The following ZNRF2 variants were observed in gnomAD, a reference collection of about 807,000 sequenced individuals.
The protein encoded by ZNRF2 is E3 ubiquitin-protein ligase ZNRF2.
In ZNRF2, 16 loss-of-function variants were observed where a neutral mutation model predicts 20.4. The ratio of observed to expected loss-of-function variants is 0.79; its 90% CI spans 0.53 to 1.19. ZNRF2 has a LOEUF of 1.19. Ranked by LOEUF, ZNRF2 falls within the 50% of genes most tolerant of loss-of-function variation. The probability of loss-of-function intolerance (pLI) is 0.00; values close to 1 mark genes in which losing one functional copy is unlikely to be tolerated. For missense variants in ZNRF2, 363 were observed against 332.4 expected (o/e 1.09, Z -0.72); for synonymous variants, 178 against 144.9 (o/e 1.23, Z -1.64).
intron 2 of ZNRF2, among the ~76,000 whole-genome samples, chr7:30,346,624 ATTTT>A (rs1359783618): frequency 6.6e-6 from 1 of 151,974 alleles, no homozygotes; most frequent in Non-Finnish European, 1.5e-5. Flanking sequence ...GAAAGCCAGA[ATTTT>A]TTTGTTTTTT....
intron 2 of ZNRF2, among the ~76,000 whole-genome samples, chr7:30,324,045 A>G (rs1799514375): frequency 6.6e-6 from 1 of 152,214 alleles, no homozygotes; most frequent in Non-Finnish European, 1.5e-5. Flanking sequence ...GACAACTTTT[A>G]AATGAAAAGT....
chr7:30,346,113 A>G (rs1162684036), intron 2 of ZNRF2, among the ~76,000 whole-genome samples: 3 of 98,046 alleles, frequency 3.1e-5, no homozygotes, highest in Non-Finnish European at 6.4e-5. Flanking sequence ...TATGAATGCT[A>G]TCTTGGGTGT....
At chr7:30,351,801 A>T (rs1799965976) in intron 2 of ZNRF2, among the ~76,000 whole-genome samples, 1 of 152,092 alleles carries the variant, frequency 6.6e-6, no homozygotes, top group Admixed American at 6.5e-5. Flanking sequence ...TCAAAAGCAC[A>T]TTAAAAAGTA....
chr7:30,293,803 C>T (rs533008741), intron 1 of ZNRF2, among the ~76,000 whole-genome samples: 6 of 152,058 alleles, frequency 3.9e-5, no homozygotes, highest in Admixed American at 6.5e-5. Context: ...CTTTTTTTAG[C>T]GACGAAAATA....
chr7:30,321,216 C>G lies in ZNRF2; in HGVS notation c.470-2426C>G, dbSNP rs6959139. 1.5e-3 allele frequency among the ~76,000 whole-genome samples: 223 copies of G among 151,994 alleles called. 1 individual carries two copies. The highest frequency in any genetic ancestry group is 4.7e-3 in the African/African-American group (194 of 41,452). ...GCTGTATGTAATGGATTGGGGACCT[C>G]GGGATCTGTTTTTTATTCAGTCTTT... On this transcript the variant is annotated intron_variant, in intron 1 of 4. Coordinates refer to ENST00000323037, the MANE Select transcript of ZNRF2 (RefSeq NM_147128.4).
intron 2 of ZNRF2, among the ~76,000 whole-genome samples, chr7:30,325,635 A>T (rs1178393942): frequency 6.6e-6 from 1 of 152,160 alleles, no homozygotes; most frequent in Admixed American, 6.5e-5. Flanking sequence ...TCAGTCTCTC[A>T]ATTCTTCCCT....
chr7:30,326,111 T>A (rs1414538175), intron 2 of ZNRF2, among the ~76,000 whole-genome samples: 1 of 152,118 alleles, frequency 6.6e-6, no homozygotes, highest in Non-Finnish European at 1.5e-5. Flanking sequence ...TAGAATACAG[T>A]CTTCTTGTGT....
chr7:30,331,269 C>T (rs1799631580), intron 2 of ZNRF2, among the ~76,000 whole-genome samples: 1 of 151,956 alleles, frequency 6.6e-6, no homozygotes, highest in South Asian at 2.1e-4. Context: ...ATTATTACCC[C>T]TAAGAACTTT....
chr7:30,359,541 A>G (rs557821233), intron 3 of ZNRF2, among the ~76,000 whole-genome samples: 18 of 146,976 alleles, frequency 1.2e-4, no homozygotes, highest in African/African-American at 4.9e-4. Context: ...TTCATCAGAT[A>G]ACAGCAGATG....
chr7:30,304,269 T>C (rs1313886891), intron 1 of ZNRF2, among the ~76,000 whole-genome samples: 1 of 152,200 alleles, frequency 6.6e-6, no homozygotes, highest in East Asian at 1.9e-4. Context: ...TGAGTTGTTT[T>C]AATTAGGATG....
chr7:30,326,167 A>G (rs973285918), intron 2 of ZNRF2, among the ~76,000 whole-genome samples: 6 of 152,146 alleles, frequency 3.9e-5, no homozygotes, highest in African/African-American at 1.4e-4. Flanking sequence ...TGAGGGGTAC[A>G]TGTGCAGGTT....
intron 1 of ZNRF2, among the ~76,000 whole-genome samples, chr7:30,294,304 G>T (rs191550438): frequency 6.6e-6 from 1 of 152,118 alleles, no homozygotes; most frequent in East Asian, 1.9e-4. Context: ...CAAAGCTTTG[G>T]ATACTTACCA....
chr7:30,336,921 C>A (rs1485232974), intron 2 of ZNRF2, among the ~76,000 whole-genome samples: 1 of 152,012 alleles, frequency 6.6e-6, no homozygotes, highest in Non-Finnish European at 1.5e-5. Context: ...TATTAGAAAA[C>A]ATGCGTGTAT....
intron 2 of ZNRF2, among the ~76,000 whole-genome samples, chr7:30,340,926 A>G (rs1799786150): frequency 6.6e-6 from 1 of 151,994 alleles, no homozygotes; most frequent in Admixed American, 6.6e-5. Flanking sequence ...AGAACTTGTT[A>G]TGGTCTATTC....
At chr7:30,338,624 C>A (rs897218166) in intron 2 of ZNRF2, among the ~76,000 whole-genome samples, 2 of 152,074 alleles carry the variant, frequency 1.3e-5, no homozygotes, top group African/African-American at 4.8e-5. Flanking sequence ...TTTATGGCTC[C>A]ATAGTATTCC....
At chr7:30,321,217 G>A (rs151187529) in intron 1 of ZNRF2, among the ~76,000 whole-genome samples, 2 of 151,960 alleles carry the variant, frequency 1.3e-5, no homozygotes, top group Non-Finnish European at 2.9e-5. Context: ...TGGGGACCTC[G>A]GGATCTGTTT....
At chr7:30,299,120 C>T (rs1799066127) in intron 1 of ZNRF2, among the ~76,000 whole-genome samples, 1 of 151,574 alleles carries the variant, frequency 6.6e-6, no homozygotes, top group South Asian at 2.1e-4. Flanking sequence ...AATAATAATT[C>T]ACTCCTATAA....
At chr7:30,295,599 A>C (rs896249839) in intron 1 of ZNRF2, among the ~76,000 whole-genome samples, 25 of 152,008 alleles carry the variant, frequency 1.6e-4, no homozygotes, top group Non-Finnish European at 5.9e-5. Flanking sequence ...AGTCCCAGCT[A>C]CTCCAGAGGC....
At chr7:30,314,850 TCTGTCACC>T (rs1799344732) in intron 1 of ZNRF2, among the ~76,000 whole-genome samples, 1 of 151,754 alleles carries the variant, frequency 6.6e-6, no homozygotes, top group African/African-American at 2.4e-5. Context: ...ACAGTCTCAT[TCTGTCACC>T]CAGGCTGGAG....
Sources: allele counts gnomAD v4.1 joint callset (sites outside exome capture counted in the v4.1 genomes callset), GRCh38; gene constraint gnomAD v4.1.1; transcripts MANE v1.5; gene names NCBI Gene and HGNC (gene_info 2026-07-23, HGNC 2026-07-21).